Variants in KCNC2 observed in about 807,000 individuals in gnomAD.
KCNC2 encodes voltage-gated potassium channel KCNC2.
A neutral mutation model predicts 44.5 loss-of-function variants in KCNC2; 21 were observed. The ratio of observed to expected loss-of-function variants is 0.47; its 90% CI spans 0.33 to 0.68. KCNC2 has a LOEUF of 0.68. KCNC2 is among the 30% of genes least tolerant of loss of function. The pLI is 0.01. For synonymous variants in KCNC2, 391 were observed against 339.1 expected, an observed-to-expected ratio of 1.15 and a Z score of -1.68; for missense variants, 589 against 826.2, an observed-to-expected ratio of 0.71 and a Z score of 3.52.
At chr12:75,043,790 G>C in intron 4 of KCNC2, 1 of 1,505,038 alleles carries the variant, frequency 6.6e-7, no homozygotes, top group Non-Finnish European at 8.9e-7. Context: ...AGGTGATGTA[G>C]GATGGAATGC....
chr12:75,141,348 C>G (rs549977557), intron 2 of KCNC2, among the ~76,000 whole-genome samples: 3 of 152,140 alleles, frequency 2.0e-5, no homozygotes, highest in African/African-American at 7.2e-5. Context: ...ATTAGATTAT[C>G]TTGAGGATTA....
chr12:75,095,840 G>A (rs565825909), intron 2 of KCNC2, among the ~76,000 whole-genome samples: 2 of 151,840 alleles, frequency 1.3e-5, no homozygotes, highest in South Asian at 4.2e-4. Flanking sequence ...AAATTTTCCT[G>A]ATCTTGACTT....
intron 1 of KCNC2, 97 bp from the exon 2 acceptor site, chr12:75,208,099 G>C: frequency 6.9e-7 from 1 of 1,448,954 alleles, no homozygotes; most frequent in Non-Finnish European, 9.4e-7. Context: ...CAGGGATGCA[G>C]AGTTGGCAGA....
chr12:75,116,501 T>G (rs1299693659), intron 2 of KCNC2, among the ~76,000 whole-genome samples: 1 of 152,142 alleles, frequency 6.6e-6, no homozygotes, highest in Non-Finnish European at 1.5e-5. Context: ...CAGATTCAAA[T>G]GAAATGAACA....
intron 2 of KCNC2, among the ~76,000 whole-genome samples, chr12:75,176,965 C>T (rs924843402): frequency 2.7e-5 from 4 of 150,328 alleles, no homozygotes; most frequent in Admixed American, 6.6e-5. Flanking sequence ...TATTGCGTCT[C>T]GTTAAAATGT....
chr12:75,103,511 T>C (rs983049191), intron 2 of KCNC2, among the ~76,000 whole-genome samples: 1 of 152,210 alleles, frequency 6.6e-6, no homozygotes, highest in Admixed American at 6.5e-5. Flanking sequence ...TGGATGCCTA[T>C]ATCTTTTACC....
chr12:75,204,978 T>G (rs1158757358), intron 2 of KCNC2, among the ~76,000 whole-genome samples: 1 of 152,148 alleles, frequency 6.6e-6, no homozygotes, highest in Non-Finnish European at 1.5e-5. Flanking sequence ...TTTATTCTAC[T>G]GTTGGGTGGT....
At chr12:75,075,231 T>A (rs1439692421) in intron 2 of KCNC2, among the ~76,000 whole-genome samples, 3 of 151,998 alleles carry the variant, frequency 2.0e-5, no homozygotes, top group Non-Finnish European at 4.4e-5. Flanking sequence ...TCATCATTTT[T>A]AAAAAACTTA....
At chr12:75,175,381 G>C (rs747858087) in intron 2 of KCNC2, among the ~76,000 whole-genome samples, 12 of 151,960 alleles carry the variant, frequency 7.9e-5, no homozygotes, top group Non-Finnish European at 1.8e-4. Context: ...GTTCCTATGG[G>C]AGCTCAAGAA....
rs181946621 is a variant in KCNC2 at position 75,152,670 on chromosome 12, C to T, written c.687+54627G>A. Among the ~76,000 whole-genome samples the T allele has an allele frequency of 3.9e-4, 59 of 151,910 alleles. No homozygotes were observed. In the East Asian group the frequency reaches 9.0e-3, roughly 23 times the overall value. ...TAACTTACCAGTAAAAATGACTAAT[C>T]GTATGTTCATTTAGGGTGGGAAGTA... On this transcript the variant is annotated intron_variant, in intron 2 of 4. Transcript: ENST00000549446.
chr12:75,067,901 T>A (rs1200185921), intron 2 of KCNC2, among the ~76,000 whole-genome samples: 3 of 152,146 alleles, frequency 2.0e-5, no homozygotes, highest in African/African-American at 4.8e-5. Context: ...ACTTTTTTTA[T>A]GTTCTCCGTC....
chr12:75,113,962 A>G (rs781144198), intron 2 of KCNC2, among the ~76,000 whole-genome samples: 3 of 152,198 alleles, frequency 2.0e-5, no homozygotes, highest in Non-Finnish European at 2.9e-5. Context: ...TTGTAAGCCT[A>G]TATCTTTACC....
chr12:75,063,037 T>A (rs894514964), intron 2 of KCNC2, among the ~76,000 whole-genome samples: 8 of 152,110 alleles, frequency 5.3e-5, no homozygotes, highest in African/African-American at 1.9e-4. Flanking sequence ...ATGTTATTCA[T>A]GTCCTATTTT....
At chr12:75,045,935 G>C (rs1312517796) in intron 4 of KCNC2, among the ~76,000 whole-genome samples, 2 of 151,608 alleles carry the variant, frequency 1.3e-5, no homozygotes, top group Non-Finnish European at 3.0e-5. Context: ...CAACTTGAGG[G>C]ATAAATAAAT....
At chr12:75,180,028 C>T (rs1158874796) in intron 2 of KCNC2, among the ~76,000 whole-genome samples, 1 of 151,646 alleles carries the variant, frequency 6.6e-6, no homozygotes, top group African/African-American at 2.4e-5. Context: ...TTAACAACAC[C>T]AAAATTTATT....
intron 2 of KCNC2, among the ~76,000 whole-genome samples, chr12:75,109,987 A>G (rs1887096971): frequency 6.9e-6 from 1 of 144,856 alleles, no homozygotes; most frequent in African/African-American, 2.6e-5. Flanking sequence ...CAAAACACAG[A>G]GAAAAAATAC....
chr12:75,151,655 A>G (rs2137467073), intron 2 of KCNC2, among the ~76,000 whole-genome samples: 1 of 151,892 alleles, frequency 6.6e-6, no homozygotes, highest in Non-Finnish European at 1.5e-5. Flanking sequence ...TAAAAGAAAG[A>G]AATTATTGGA....
chr12:75,058,173 T>C (rs181688794), intron 2 of KCNC2, among the ~76,000 whole-genome samples: 84 of 152,090 alleles, frequency 5.5e-4, no homozygotes, highest in African/African-American at 1.8e-3. Flanking sequence ...TACCATATTT[T>C]ATAAAAATGT....
At chr12:75,159,411 T>G (rs189952755) in intron 2 of KCNC2, among the ~76,000 whole-genome samples, 5 of 151,968 alleles carry the variant, frequency 3.3e-5, no homozygotes, top group African/African-American at 1.2e-4. Context: ...TTAGGAAATA[T>G]TCTACTGCCA....
Sources: gnomAD v4.1 joint callset for allele counts (sites outside exome capture counted in the v4.1 genomes callset) on GRCh38, gnomAD v4.1.1 for gene constraint, MANE v1.5 for transcripts, NCBI Gene and HGNC (gene_info 2026-07-23, HGNC 2026-07-21) for gene names.